The following KITLG variants were observed in gnomAD, a reference collection of about 807,000 sequenced individuals.
KITLG encodes the protein c-Kit ligand.
A neutral mutation model predicts 34.1 loss-of-function variants in KITLG; 13 were observed. The ratio of observed to expected loss-of-function variants is 0.38; its 90% CI spans 0.25 to 0.61. The LOEUF is 0.61. KITLG is among the 20% of genes least tolerant of loss of function. The pLI, the probability that KITLG is intolerant of heterozygous loss-of-function variation, is 0.60. For missense variants in KITLG, 292 were observed against 318.9 expected (o/e 0.92, Z 0.64); for synonymous variants, 110 against 104.0 (o/e 1.06, Z -0.35).
At chr12:88,510,469 G>A (rs78689475) in intron 6 of KITLG, among the ~76,000 whole-genome samples, 36 of 152,254 alleles carry the variant, frequency 2.4e-4, no homozygotes, top group African/African-American at 6.7e-4. Flanking sequence ...CCATTTGACC[G>A]AAGAGTCAAA....
intron 1 of KITLG, among the ~76,000 whole-genome samples, chr12:88,565,214 C>T (rs1871405555): frequency 6.6e-6 from 1 of 152,168 alleles, no homozygotes; most frequent in Non-Finnish European, 1.5e-5. Flanking sequence ...GCACTAGCTA[C>T]CTATTAACTA....
intron 3 of KITLG, among the ~76,000 whole-genome samples, chr12:88,529,945 T>C (rs1870021713): frequency 6.6e-6 from 1 of 152,202 alleles, no homozygotes; most frequent in Admixed American, 6.5e-5. Flanking sequence ...TTTTTCTCAA[T>C]TACAGAAACA....
chr12:88,553,620 C>T (rs1632677), intron 1 of KITLG, among the ~76,000 whole-genome samples: 139,203 of 152,200 alleles, frequency 0.91, 63,715 homozygotes, highest in East Asian at 0.98. Flanking sequence ...TTTTTGTTTT[C>T]AGAAACATGC....
At chr12:88,506,973 AT>A in intron 7 of KITLG, 54 bp downstream of exon 7, 1 of 959,214 alleles carries the variant, frequency 1.0e-6, no homozygotes, top group Non-Finnish European at 1.7e-6. Context: ...GGAAAAAAAG[AT>A]GATAATTTAT....
chr12:88,558,153 G>GTT (rs1428477829), intron 1 of KITLG, among the ~76,000 whole-genome samples: 1 of 151,896 alleles, frequency 6.6e-6, no homozygotes, highest in East Asian at 1.9e-4. Context: ...ACCTTTTTGT[G>GTT]TTTTTTTCCC....
At chr12:88,556,786 G>T (rs1245160085) in intron 1 of KITLG, among the ~76,000 whole-genome samples, 1 of 152,144 alleles carries the variant, frequency 6.6e-6, no homozygotes, top group Non-Finnish European at 1.5e-5. Flanking sequence ...AGAATGTGAA[G>T]CCAAATACAT....
chr12:88,524,138 T>A (rs896453987), intron 3 of KITLG, among the ~76,000 whole-genome samples: 10 of 152,212 alleles, frequency 6.6e-5, no homozygotes, highest in Admixed American at 6.5e-4. Context: ...AGTTTCTCCA[T>A]CTATAAAATA....
intron 2 of KITLG, among the ~76,000 whole-genome samples, chr12:88,533,096 C>G (rs537607573): frequency 1.3e-4 from 20 of 152,112 alleles, no homozygotes; most frequent in Non-Finnish European, 2.5e-4. Context: ...GATGCAAATG[C>G]TTTATAAGAA....
At chr12:88,546,093 G>A (rs1422112161) in intron 1 of KITLG, 1 of 610,970 alleles carries the variant, frequency 1.6e-6, no homozygotes, top group Non-Finnish European at 3.0e-6. Context: ...GTTAACTTTT[G>A]TTAAAAACTT....
chr12:88,496,392 C>A lies in KITLG; in HGVS notation c.*827G>T, dbSNP rs1868642726. On this transcript the variant is annotated 3_prime_UTR_variant, in exon 10 of 10. Coordinates refer to ENST00000644744, the MANE Select transcript of KITLG (RefSeq NM_000899.5). ...CATTTTGCAAACACGATTTATACACCCTATAGTGGTCAAGGGAAAAGGCGG... is the reference window on the plus strand; with the variant it reads ...CATTTTGCAAACACGATTTATACACACTATAGTGGTCAAGGGAAAAGGCGG... 6.6e-6 allele frequency: 1 copy of A among 152,024 alleles called. No homozygotes were observed. Among genetic ancestry groups the A allele is most frequent in the African/African-American group, 2.4e-5 (1 of 41,388 alleles). 9.4% of individuals were successfully genotyped at this position (152,024 alleles called of 1,614,324 possible). A position where few individuals can be genotyped will look rare whatever the true frequency, so the allele number is the denominator to read the frequency against.
chr12:88,563,897 G>A (rs536796041), intron 1 of KITLG, among the ~76,000 whole-genome samples: 50 of 152,158 alleles, frequency 3.3e-4, no homozygotes, highest in Non-Finnish European at 5.9e-4. Flanking sequence ...GGGAGGCAGA[G>A]GTTACAGTAA....
chr12:88,510,478 A>G (rs1869236013), intron 6 of KITLG, among the ~76,000 whole-genome samples: 1 of 152,204 alleles, frequency 6.6e-6, no homozygotes, highest in Non-Finnish European at 1.5e-5. Flanking sequence ...CGAAGAGTCA[A>G]AAGAGTTTAA....
chr12:88,531,730 G>A (rs1273909810), intron 3 of KITLG, among the ~76,000 whole-genome samples: 3 of 152,022 alleles, frequency 2.0e-5, no homozygotes, highest in Admixed American at 6.6e-5. Flanking sequence ...TTTTTAGGGG[G>A]ATGCTTAAGG....
intron 6 of KITLG, among the ~76,000 whole-genome samples, chr12:88,513,147 T>A (rs1175997040): frequency 6.6e-6 from 1 of 151,800 alleles, no homozygotes; most frequent in Non-Finnish European, 1.5e-5. Context: ...AAGATGGGTA[T>A]GGGTAAATAA....
chr12:88,513,203 A>T (rs1869341561), intron 6 of KITLG, among the ~76,000 whole-genome samples: 1 of 151,806 alleles, frequency 6.6e-6, no homozygotes, highest in Admixed American at 6.6e-5. Flanking sequence ...CAAGTGCTAC[A>T]ATAGTAACTC....
chr12:88,559,503 TTCCACAGGCCA>T (rs1871225568), intron 1 of KITLG, among the ~76,000 whole-genome samples: 2 of 152,148 alleles, frequency 1.3e-5, no homozygotes, highest in Non-Finnish European at 2.9e-5. Flanking sequence ...CTTCCAAAAA[TTCCACAGGCCA>T]TCAAATGCAC....
chr12:88,495,918 T>G lies in KITLG; in HGVS notation c.*1301A>C, dbSNP rs1868624296. The G allele has an allele frequency of 6.6e-6, 1 of 152,176 alleles. No individual in the cohort carries two copies. Among genetic ancestry groups the G allele is most frequent in the South Asian group, 2.1e-4 (1 of 4,826 alleles). 9.4% of individuals were successfully genotyped at this position (152,176 alleles called of 1,614,324 possible). Reference sequence around the variant, plus strand: ...TTATAAAAAAAATTGGCAAGGGATATTCACATAATGTCTTACAAGTTCTAG... The same window carrying G: ...TTATAAAAAAAATTGGCAAGGGATAGTCACATAATGTCTTACAAGTTCTAG... On this transcript the variant is annotated 3_prime_UTR_variant, in exon 10 of 10. Coordinates refer to ENST00000644744, the MANE Select transcript of KITLG (RefSeq NM_000899.5).
chr12:88,535,330 G>A (rs1400469112), intron 2 of KITLG, among the ~76,000 whole-genome samples: 2 of 152,248 alleles, frequency 1.3e-5, no homozygotes, highest in South Asian at 2.1e-4. Context: ...AATTTCTGGT[G>A]AGACTGAAAA....
chr12:88,563,704 T>C (rs771616918), intron 1 of KITLG, among the ~76,000 whole-genome samples: 1 of 152,198 alleles, frequency 6.6e-6, no homozygotes, highest in East Asian at 1.9e-4. Context: ...CTCACACCTG[T>C]AATCCCAGCA....
Sources: gnomAD v4.1 joint callset for allele counts (sites outside exome capture counted in the v4.1 genomes callset) on GRCh38, gnomAD v4.1.1 for gene constraint, MANE v1.5 for transcripts, NCBI Gene and HGNC (gene_info 2026-07-23, HGNC 2026-07-21) for gene names.